GABRG3: variants seen among roughly 807,000 people sequenced by gnomAD.
GABRG3 encodes gamma-aminobutyric acid receptor subunit gamma-3.
In GABRG3, 25 loss-of-function variants were observed where a neutral mutation model predicts 48.8. The ratio of observed to expected loss-of-function variants is 0.51; its 90% CI spans 0.37 to 0.72. The LOEUF is 0.72. GABRG3 is among the 30% of genes least tolerant of loss of function. The pLI, the probability that GABRG3 is intolerant of heterozygous loss-of-function variation, is 0.00. For synonymous variants in GABRG3, 227 were observed against 217.6 expected, an observed-to-expected ratio of 1.04 and a Z score of -0.38; for missense variants, 394 against 577.9, an observed-to-expected ratio of 0.68 and a Z score of 3.26.
intron 3 of GABRG3, among the ~76,000 whole-genome samples, chr15:27,071,615 C>T (rs1373982921): frequency 5.9e-5 from 9 of 152,220 alleles, no homozygotes; most frequent in African/African-American, 2.2e-4. Context: ...GCAGGTGCAG[C>T]AAAAGCACCT....
chr15:27,392,446 T>C (rs1363952885), intron 5 of GABRG3, among the ~76,000 whole-genome samples: 1 of 152,098 alleles, frequency 6.6e-6, no homozygotes, highest in East Asian at 1.9e-4. Context: ...TAGACCGGGG[T>C]TATGCGTTTT....
chr15:27,404,538 C>T (rs72705735), intron 5 of GABRG3, among the ~76,000 whole-genome samples: 2,287 of 152,262 alleles, frequency 0.015, 47 homozygotes, highest in South Asian at 0.079. Context: ...CCCTGGGGCC[C>T]GGCCTGGTCT....
intron 5 of GABRG3, among the ~76,000 whole-genome samples, chr15:27,357,206 T>G (rs908089814): frequency 6.6e-6 from 1 of 152,206 alleles, no homozygotes; most frequent in African/African-American, 2.4e-5. Flanking sequence ...AGACTAGCCC[T>G]TCTTGCACTT....
intron 3 of GABRG3, among the ~76,000 whole-genome samples, chr15:27,101,059 A>C (rs1897347561): frequency 6.6e-6 from 1 of 152,212 alleles, no homozygotes; most frequent in African/African-American, 2.4e-5. Context: ...TGTCTACATG[A>C]AAGTCACAAG....
intron 3 of GABRG3, among the ~76,000 whole-genome samples, chr15:27,090,988 C>T (rs957776370): frequency 8.5e-5 from 13 of 152,106 alleles, no homozygotes; most frequent in Non-Finnish European, 1.6e-4. Context: ...ATTTGGATGC[C>T]TTTTACTTAT....
intron 3 of GABRG3, among the ~76,000 whole-genome samples, chr15:27,242,676 A>G (rs1890162943): frequency 6.6e-6 from 1 of 152,240 alleles, no homozygotes; most frequent in Non-Finnish European, 1.5e-5. Context: ...GGTATGTGTT[A>G]AGTCTTGATT....
intron 6 of GABRG3, among the ~76,000 whole-genome samples, chr15:27,506,355 G>C (rs995174517): frequency 6.6e-6 from 1 of 152,142 alleles, no homozygotes; most frequent in South Asian, 2.1e-4. Flanking sequence ...TCTGTGACTG[G>C]TTCCAGAAGG....
At chr15:27,449,825 G>A (rs1476994784) in intron 5 of GABRG3, among the ~76,000 whole-genome samples, 1 of 152,196 alleles carries the variant, frequency 6.6e-6, no homozygotes, top group Non-Finnish European at 1.5e-5. Flanking sequence ...TTCAATTTGT[G>A]TGAAGTTCAA....
chr15:27,040,573 T>G (rs540885933), intron 3 of GABRG3, among the ~76,000 whole-genome samples: 1 of 152,354 alleles, frequency 6.6e-6, no homozygotes, highest in East Asian at 1.9e-4. Context: ...ACAATTAATT[T>G]TGCCAGTGAT....
intron 3 of GABRG3, among the ~76,000 whole-genome samples, chr15:27,198,170 G>C (rs939745233): frequency 3.3e-5 from 5 of 152,156 alleles, no homozygotes; most frequent in African/African-American, 1.2e-4. Flanking sequence ...AAACTAAAGA[G>C]CTTCTGCACA....
At chr15:27,226,675 G>T (rs536283298) in intron 3 of GABRG3, among the ~76,000 whole-genome samples, 1 of 152,214 alleles carries the variant, frequency 6.6e-6, no homozygotes. Context: ...GCCATTTTCA[G>T]CCAGTGCATT....
chr15:27,088,700 G>A (rs548582935), intron 3 of GABRG3, among the ~76,000 whole-genome samples: 33 of 152,212 alleles, frequency 2.2e-4, no homozygotes, highest in African/African-American at 7.9e-4. Context: ...TAAACAACCA[G>A]AGCTCCTGAG....
intron 3 of GABRG3, among the ~76,000 whole-genome samples, chr15:27,305,002 TTATC>T (rs1243968938): frequency 6.6e-6 from 1 of 151,978 alleles, no homozygotes; most frequent in African/African-American, 2.4e-5. Context: ...AAAGCCTAAT[TTATC>T]TATTTCTTCC....
chr15:27,209,586 C>G (rs1451091331), intron 3 of GABRG3, among the ~76,000 whole-genome samples: 1 of 152,174 alleles, frequency 6.6e-6, no homozygotes, highest in Non-Finnish European at 1.5e-5. Context: ...CCAGCAGGGG[C>G]ACCACACATG....
At chr15:27,017,676 C>T (rs1012823273) in intron 2 of GABRG3, among the ~76,000 whole-genome samples, 3 of 152,184 alleles carry the variant, frequency 2.0e-5, no homozygotes, top group African/African-American at 4.8e-5. Context: ...CACTCTGGCA[C>T]GTTGTGTGCC....
intron 3 of GABRG3, among the ~76,000 whole-genome samples, chr15:27,201,843 A>C (rs184405138): frequency 1.3e-5 from 2 of 152,384 alleles, no homozygotes; most frequent in East Asian, 3.9e-4. Context: ...AAAATGATAC[A>C]GAATATACTA....
rs182593522 is a variant in GABRG3 at position 27,135,241 on chromosome 15, C to T, written c.270+108420C>T. Among the ~76,000 whole-genome samples the T allele has an allele frequency of 1.2e-4, 18 of 152,246 alleles. 1 individual carries two copies. The East Asian group carries it at 2.5e-3, about 21-fold the overall frequency. On this transcript the variant is annotated intron_variant, in intron 3 of 9. Transcript: ENST00000615808. ...ATATATGGCATATGTGTGTGTGTTC[C>T]TGCTTAATTAAAGGAACTAGGAACT...
chr15:27,351,366 TTGTGTGTGTATGG>T (rs1164612445), intron 5 of GABRG3, among the ~76,000 whole-genome samples: 4 of 143,410 alleles, frequency 2.8e-5, no homozygotes, highest in Non-Finnish European at 6.1e-5. Context: ...GTGAGTGCCT[TTGTGTGTGTATGG>T]TGTGTGTGTA....
chr15:27,343,307 G>C (rs1425386941), intron 5 of GABRG3, among the ~76,000 whole-genome samples: 2 of 152,152 alleles, frequency 1.3e-5, no homozygotes, highest in African/African-American at 4.8e-5. Context: ...GTCTCAAACA[G>C]ACCTGTGCTT....
Sources: gnomAD v4.1 joint callset for allele counts (sites outside exome capture counted in the v4.1 genomes callset) on GRCh38, gnomAD v4.1.1 for gene constraint, MANE v1.5 for transcripts, NCBI Gene and HGNC (gene_info 2026-07-23, HGNC 2026-07-21) for gene names.